NBEA: variants seen among roughly 807,000 people sequenced by gnomAD.
NBEA encodes lysosomal-trafficking regulator 2.
Under a neutral mutation model 343.4 loss-of-function variants are expected in NBEA, and 44 were observed. The observed-to-expected ratio is 0.13, with a 90% confidence interval of 0.10 to 0.16. The LOEUF is 0.16. Among genes scored for constraint, NBEA ranks in the 10% least tolerant of loss-of-function variants. The pLI is 1.00. For missense variants in NBEA, 2,555 were observed against 3,631.3 expected, an observed-to-expected ratio of 0.70 and a Z score of 7.62; for synonymous variants, 1,175 against 1,238.7, an observed-to-expected ratio of 0.95 and a Z score of 1.08.
At chr13:35,460,159 G>A (rs563340194) in intron 40 of NBEA, among the ~76,000 whole-genome samples, 2 of 152,242 alleles carry the variant, frequency 1.3e-5, no homozygotes, top group South Asian at 2.1e-4. Flanking sequence ...TCTAAAATGC[G>A]TTTTGCTCAG....
intron 49 of NBEA, among the ~76,000 whole-genome samples, chr13:35,632,270 G>A (rs2083484671): frequency 1.3e-5 from 2 of 152,022 alleles, no homozygotes; most frequent in Admixed American, 6.6e-5. Flanking sequence ...AGAATATTCT[G>A]GTTGGTAATC....
intron 36 of NBEA, among the ~76,000 whole-genome samples, chr13:35,322,790 G>A (rs1405015895): frequency 1.3e-5 from 2 of 152,048 alleles, no homozygotes; most frequent in Non-Finnish European, 2.9e-5. Context: ...ATTTAATAAT[G>A]GTTAGATTTT....
chr13:35,193,464 CAGTT>C (rs1436135151), intron 30 of NBEA, among the ~76,000 whole-genome samples: 1 of 151,872 alleles, frequency 6.6e-6, no homozygotes, highest in Non-Finnish European at 1.5e-5. Flanking sequence ...CTTCCTTTCT[CAGTT>C]AGTGACGTAT....
In NBEA at chr13:35,070,780, A is replaced by G; in HGVS notation, c.1499A>G (p.Gln500Arg). 6.2e-7 allele frequency: 1 copy of G among 1,610,274 alleles called. No homozygotes were observed. Among genetic ancestry groups the G allele is most frequent in the East Asian group, 2.2e-5 (1 of 44,734 alleles). ...HSAIHSIGGI[Q>R]VLFPLFAQLD... ...GCAATTCATTCAATTGGAGGGATTCAAGTGCTTTTTCCACTTTTTGCCCAA... is the reference window on the plus strand; with the variant it reads ...GCAATTCATTCAATTGGAGGGATTCGAGTGCTTTTTCCACTTTTTGCCCAA... The change falls in exon 10 of 59, where the codon CAA becomes CGA. Residue 500 changes from glutamine to arginine, a missense_variant. Gln to Arg is a conservative substitution (Grantham distance 43, BLOSUM62 1). This residue lies in a region of NBEA where 360 missense variants were observed against 519.1 expected (regional missense o/e 0.69). Transcript: ENST00000379939.
intron 17 of NBEA, among the ~76,000 whole-genome samples, chr13:35,134,096 A>G (rs558275136): frequency 1.6e-4 from 24 of 152,174 alleles, no homozygotes; most frequent in African/African-American, 5.5e-4. Flanking sequence ...TGAAAGGAAT[A>G]ATTTAAGTAG....
chr13:35,241,363 T>C (rs562492851), intron 34 of NBEA, among the ~76,000 whole-genome samples: 31 of 151,938 alleles, frequency 2.0e-4, no homozygotes, highest in Non-Finnish European at 4.0e-4. Flanking sequence ...TTGGATTCCC[T>C]TTTGTTAATT....
intron 10 of NBEA, among the ~76,000 whole-genome samples, chr13:35,083,072 A>T (rs532720006): frequency 6.6e-6 from 1 of 152,138 alleles, no homozygotes; most frequent in East Asian, 1.9e-4. Flanking sequence ...TAAGTCTTTA[A>T]TCCATCTTGA....
At chr13:35,227,730 G>A (rs2074735208) in intron 33 of NBEA, among the ~76,000 whole-genome samples, 1 of 151,774 alleles carries the variant, frequency 6.6e-6, no homozygotes, top group South Asian at 2.1e-4. Context: ...AAGTACCTAG[G>A]AGAATACAAA....
Position 35,127,400 on chromosome 13 carries a change from G to T in NBEA, c.2336+3826G>T, listed in dbSNP as rs551129628. Among the ~76,000 whole-genome samples the T allele has an allele frequency of 1.1e-3, 165 of 152,268 alleles. 2 individuals are homozygous for T. In the South Asian group the frequency reaches 0.033, roughly 30 times the overall value. On this transcript the variant is annotated intron_variant, in intron 17 of 58. Transcript: ENST00000379939. ...GAGAAACTATTGCTAAGGACCGCTGGTGAGCACTGAATAAATTTAACCATA... is the reference window on the plus strand; with the variant it reads ...GAGAAACTATTGCTAAGGACCGCTGTTGAGCACTGAATAAATTTAACCATA...
At position 35,232,500 on chromosome 13, in the gene NBEA, C is replaced by G; in HGVS notation, c.5657C>G (p.Ala1886Gly). The change falls in exon 34 of 59, where the codon GCA (alanine) becomes GGA (glycine). Residue 1886 changes from alanine to glycine, a missense_variant. This residue lies in a region of NBEA where 84 missense variants were observed against 196.4 expected (regional missense o/e 0.43). Coordinates refer to ENST00000379939, the MANE Select transcript of NBEA (RefSeq NM_001385012.1). ...TGTCTTAATTTCAACAGCATCACTG[C>G]AAAACTTGAAAGAGCGTTAGAAAAA... Reference protein sequence around the residue: ...EDSAENMSITAKLERALEKVA... With the variant: ...EDSAENMSITGKLERALEKVA... 1 of 1,543,904 alleles carries G rather than the reference C, an allele frequency of 6.5e-7. No homozygotes were observed. Among genetic ancestry groups the G allele is most frequent in the South Asian group, 1.2e-5 (1 of 82,732 alleles).
chr13:35,630,041 A>G (rs565899340), intron 49 of NBEA, among the ~76,000 whole-genome samples: 1 of 150,656 alleles, frequency 6.6e-6, no homozygotes, highest in Admixed American at 6.6e-5. Context: ...CAAATTAAAT[A>G]CATTAAACAC....
intron 1 of NBEA, among the ~76,000 whole-genome samples, chr13:34,952,574 G>T (rs1375087918): frequency 6.6e-6 from 1 of 152,010 alleles, no homozygotes; most frequent in East Asian, 1.9e-4. Flanking sequence ...GTAATTATTT[G>T]AACCACTGTA....
chr13:35,603,017 T>G (rs1258939822), intron 47 of NBEA, among the ~76,000 whole-genome samples: 1 of 152,234 alleles, frequency 6.6e-6, no homozygotes, highest in African/African-American at 2.4e-5. Flanking sequence ...ATTGAGCTAT[T>G]TTATACTTTT....
At chr13:34,954,692 G>A (rs556417191) in intron 1 of NBEA, among the ~76,000 whole-genome samples, 24 of 152,166 alleles carry the variant, frequency 1.6e-4, no homozygotes, top group African/African-American at 5.5e-4. Flanking sequence ...AAATGGCATA[G>A]TATTTGCATA....
At chr13:35,363,362 T>A (rs2040920021) in intron 38 of NBEA, among the ~76,000 whole-genome samples, 1 of 151,876 alleles carries the variant, frequency 6.6e-6, no homozygotes, top group Non-Finnish European at 1.5e-5. Context: ...GGAGCTGTGG[T>A]ACCTAGGGCA....
intron 17 of NBEA, among the ~76,000 whole-genome samples, chr13:35,135,309 TGATA>T (rs1009922665): frequency 9.9e-5 from 15 of 152,220 alleles, no homozygotes; most frequent in Admixed American, 3.3e-4. Context: ...ACAACTGTCC[TGATA>T]GATTGAAGAA....
intron 35 of NBEA, among the ~76,000 whole-genome samples, chr13:35,291,373 A>G (rs923693633): frequency 6.6e-6 from 1 of 151,902 alleles, no homozygotes; most frequent in Non-Finnish European, 1.5e-5. Flanking sequence ...AAACTGAACA[A>G]AACAAATGAA....
chr13:35,320,806 T>G (rs1373241954), intron 36 of NBEA, among the ~76,000 whole-genome samples: 1 of 152,124 alleles, frequency 6.6e-6, no homozygotes, highest in Non-Finnish European at 1.5e-5. Flanking sequence ...TTTAATTCTT[T>G]TTCTCTAATC....
At chr13:35,360,043 G>C (rs1048360317) in intron 38 of NBEA, among the ~76,000 whole-genome samples, 1 of 151,968 alleles carries the variant, frequency 6.6e-6, no homozygotes, top group African/African-American at 2.4e-5. Context: ...GGTAAAAAAT[G>C]TGAGATTCAT....
Sources: allele counts gnomAD v4.1 joint callset (sites outside exome capture counted in the v4.1 genomes callset), GRCh38; gene constraint gnomAD v4.1.1; regional missense constraint gnomAD v4.1.1; transcripts MANE v1.5; gene names NCBI Gene and HGNC (gene_info 2026-07-23, HGNC 2026-07-21).